CFAP100: variants seen among roughly 807,000 people sequenced by gnomAD.
CFAP100 encodes the protein cilia and flagella associated protein 100, also known as cilia- and flagella-associated protein 100.
In CFAP100, 70 loss-of-function variants were observed where a neutral mutation model predicts 81.5. The observed-to-expected ratio is 0.86, with a 90% CI of 0.71 to 1.05. The LOEUF (loss-of-function observed/expected upper bound fraction) is 1.05, where lower values mean the gene tolerates loss of function less well. Among genes scored for constraint, CFAP100 ranks in the 50% least tolerant of loss-of-function variants. The pLI is 0.00. For synonymous variants in CFAP100, 341 were observed against 314.8 expected (o/e 1.08, Z -0.88); for missense variants, 811 against 776.5 (o/e 1.04, Z -0.53).
chr3:126,403,040 G>A (rs2083009146), intron 2 of CFAP100, among the ~76,000 whole-genome samples: 1 of 152,136 alleles, frequency 6.6e-6, no homozygotes, highest in Admixed American at 6.5e-5. Context: ...TCACAGTGCT[G>A]TTTGCTGAGA....
intron 2 of CFAP100, among the ~76,000 whole-genome samples, chr3:126,396,919 A>C (rs2082898372): frequency 6.6e-6 from 1 of 152,196 alleles, no homozygotes; most frequent in South Asian, 2.1e-4. Flanking sequence ...TTCAAAATTC[A>C]AAAGTGTGTT....
At position 126,436,354 on chromosome 3, in the gene CFAP100, C is replaced by G. The variant is rs1285406220; in HGVS notation, c.1786C>G (p.His596Asp). 6.2e-7 allele frequency: 1 copy of G among 1,614,168 alleles called. No individual in the cohort carries two copies. Among genetic ancestry groups the G allele is most frequent in the South Asian group, 1.1e-5 (1 of 91,076 alleles). The change falls in exon 17 of 17, where the codon CAC (histidine) becomes GAC (aspartate). Residue 596 changes from histidine to aspartate, a missense_variant. Transcript: ENST00000352312. ...CCACAGGATCAAACAACAGTCTGAGCACACACTGATGGACAAGGAGGAGGA... is the reference window on the plus strand; with the variant it reads ...CCACAGGATCAAACAACAGTCTGAGGACACACTGATGGACAAGGAGGAGGA... ...PAHRIKQQSE[H>D]TLMDKEEEEL...
chr3:126,399,042 G>A (rs2082931526), intron 2 of CFAP100, among the ~76,000 whole-genome samples: 1 of 152,028 alleles, frequency 6.6e-6, no homozygotes, highest in Non-Finnish European at 1.5e-5. Context: ...AGTTTCCCTG[G>A]GACTCCCTCC....
At chr3:126,413,760 C>T (rs568478399) in intron 3 of CFAP100, among the ~76,000 whole-genome samples, 1 of 152,336 alleles carries the variant, frequency 6.6e-6, no homozygotes, top group South Asian at 2.1e-4. Flanking sequence ...ACAGCAGGCT[C>T]GGCCTCCCTT....
intron 5 of CFAP100, 139 bp from the exon 6 acceptor site, chr3:126,418,319 C>T: frequency 2.9e-6 from 2 of 687,846 alleles, no homozygotes; most frequent in Admixed American, 2.3e-5. Flanking sequence ...AGAACACTAC[C>T]TTCCATGGTC....
intron 2 of CFAP100, among the ~76,000 whole-genome samples, chr3:126,405,941 T>C (rs535055665): frequency 2.0e-5 from 3 of 152,076 alleles, no homozygotes; most frequent in Non-Finnish European, 4.4e-5. Context: ...CCAGATCCAT[T>C]GCTTTTTCAT....
chr3:126,432,282 CA>C (rs58421889), intron 13 of CFAP100, among the ~76,000 whole-genome samples: 28,897 of 76,246 alleles, frequency 0.38, 1,976 homozygotes, highest in South Asian at 0.46. Context: ...GACTCCGTCT[CA>C]AAAAAAAAAA....
chr3:126,404,133 C>T (rs35024339), intron 2 of CFAP100, among the ~76,000 whole-genome samples: 8,607 of 152,298 alleles, frequency 0.057, 298 homozygotes, highest in Non-Finnish European at 0.083. Flanking sequence ...CAAAAAGACA[C>T]ACAGTTTCTT....
In CFAP100 at chr3:126,396,059, G is replaced by A. The variant is rs546719846; in HGVS notation, c.49+10G>A. The A allele has an allele frequency of 1.1e-5, 17 of 1,611,326 alleles. No homozygotes were observed. The highest frequency in any genetic ancestry group is 1.7e-5 in the Admixed American group (1 of 60,004). ...AACATGACCAATGACAGTAAGTACC[G>A]GGCCAGGGTGGGCACTCTCAGAGGT... On this transcript the variant is annotated intron_variant, in intron 2 of 16. Coordinates refer to ENST00000352312, the MANE Select transcript of CFAP100 (RefSeq NM_182628.3).
rs761214124 is a variant in CFAP100 at position 126,420,037 on chromosome 3, C to T, written c.955+16C>T. 6.9e-5 allele frequency: 112 copies of T among 1,613,142 alleles called. No homozygotes were observed. Among genetic ancestry groups the T allele is most frequent in the Non-Finnish European group, 9.2e-5 (108 of 1,180,006 alleles). On this transcript the variant is annotated intron_variant, in intron 10 of 16. Coordinates refer to ENST00000352312, the MANE Select transcript of CFAP100 (RefSeq NM_182628.3). ...TGGGCCAAAGGTGAGCTGCCGCCCC[C>T]AGCCTGAGGAGGAGCCTGGCTCTGC...
Position 126,432,989 on chromosome 3 carries a change from T to G in CFAP100, c.1287-80T>G, listed in dbSNP as rs564633277. ...AGGACAGCTGGTAGGGGCAAAGCAC[T>G]GTACAGACAGGCTCAGAGAAGCGAT... is the stretch of plus-strand genomic sequence containing the variant. On this transcript the variant is annotated intron_variant, in intron 13 of 16. Coordinates refer to ENST00000352312, the MANE Select transcript of CFAP100 (RefSeq NM_182628.3). The G allele has an allele frequency of 3.2e-6, 5 of 1,548,326 alleles. No homozygotes were observed. In the East Asian group the frequency reaches 9.1e-5, roughly 28 times the overall value.
Position 126,434,194 on chromosome 3 carries a change from C to G in CFAP100, c.1441C>G (p.Leu481Val). The G allele has an allele frequency of 6.2e-7, 1 of 1,612,460 alleles. No homozygotes were observed. Among genetic ancestry groups the G allele is most frequent in the Non-Finnish European group, 8.5e-7 (1 of 1,179,028 alleles). The part of the protein sequence containing the change: ...GDQQDKLLES[L>V]NCKVLDVYRH... Reference sequence around the variant, plus strand: ...TCCACAGGATAAGCTGCTAGAGAGCCTGAACTGCAAGGTGCTGGATGTGTA... The same window carrying G: ...TCCACAGGATAAGCTGCTAGAGAGCGTGAACTGCAAGGTGCTGGATGTGTA... Residue 481 changes from leucine to valine, a missense_variant, in exon 15 of 17, where the codon CTG (leucine) becomes GTG (valine). Physicochemically the swap from Leu to Val is conservative, Grantham distance 32. Coordinates refer to ENST00000352312, the MANE Select transcript of CFAP100 (RefSeq NM_182628.3).
Position 126,419,292 on chromosome 3 carries a change from T to C in CFAP100, c.731+136T>C, listed in dbSNP as rs1274980318. On this transcript the variant is annotated intron_variant, in intron 8 of 16. Transcript: ENST00000352312. ...CAGGGACTCTGCTTCCATGAGGCTG[T>C]TGCCCATTTATAGACGAGGGGAGTG... 16 of 637,512 alleles carry C rather than the reference T, an allele frequency of 2.5e-5. No individual in the cohort carries two copies. The Admixed American group carries it at 5.0e-4, about 20-fold the overall frequency. The allele number at this position is 637,512 out of a possible 1,614,324, so 39.5% of individuals were successfully genotyped here. A position where few individuals can be genotyped will look rare whatever the true frequency, so the allele number is the denominator to read the frequency against.
intron 11 of CFAP100, among the ~76,000 whole-genome samples, chr3:126,423,103 G>A (rs1355983445): frequency 6.6e-6 from 1 of 152,228 alleles, no homozygotes; most frequent in African/African-American, 2.4e-5. Flanking sequence ...TGTCAAAGTG[G>A]CTACGGCCTT....
chr3:126,415,825 C>T (rs1467761406), intron 4 of CFAP100, among the ~76,000 whole-genome samples: 1 of 152,158 alleles, frequency 6.6e-6, no homozygotes, highest in Non-Finnish European at 1.5e-5. Context: ...CAAGGGAGGG[C>T]TGGCTCGAAG....
chr3:126,420,144 A>T lies in CFAP100; in HGVS notation c.997A>T (p.Met333Leu). Reference sequence around the variant, plus strand: ...GAAGCCCTGGAGGTTTCTGCAGACGATGCGGCTGGGGCGGAGCCCGTCTTA... The same window carrying T: ...GAAGCCCTGGAGGTTTCTGCAGACGTTGCGGCTGGGGCGGAGCCCGTCTTA... ...TKKPWRFLQT[M>L]RLGRSPSYLS... Residue 333 changes from methionine to leucine, a missense_variant, in exon 11 of 17, where the codon ATG (methionine) becomes TTG (leucine). Transcript: ENST00000352312. 6.2e-7 allele frequency: 1 copy of T among 1,613,294 alleles called. No individual in the cohort carries two copies.
intron 13 of CFAP100, among the ~76,000 whole-genome samples, chr3:126,426,113 G>C (rs1207236129): frequency 6.6e-6 from 1 of 152,150 alleles, no homozygotes; most frequent in Non-Finnish European, 1.5e-5. Context: ...AAATAAAACT[G>C]TCCTTGTTCA....
intron 7 of CFAP100, 31 bp from the exon 8 acceptor site, chr3:126,419,045 C>CCAACCAACA: frequency 1.0e-5 from 9 of 858,116 alleles, no homozygotes; most frequent in South Asian, 3.2e-5. Context: ...CCCTTGCCCC[C>CCAACCAACA]ATCCCTCCTC....
intron 2 of CFAP100, among the ~76,000 whole-genome samples, chr3:126,396,940 C>T (rs77313268): frequency 0.01 from 1,560 of 152,304 alleles, 25 homozygotes; most frequent in East Asian, 0.095. Context: ...AAAAGCCCCT[C>T]ATTGTGAAAA....
Sources: gnomAD v4.1 joint callset for allele counts (sites outside exome capture counted in the v4.1 genomes callset) on GRCh38, gnomAD v4.1.1 for gene constraint, MANE v1.5 for transcripts, NCBI Gene and HGNC (gene_info 2026-07-23, HGNC 2026-07-21) for gene names.